Variants in PEDS1 observed in about 807,000 individuals in gnomAD.
PEDS1 encodes the protein plasmanylethanolamine desaturase 1, also known as CarF homolog.
Under a neutral mutation model 35.2 loss-of-function variants are expected in PEDS1, and 14 were observed. The observed-to-expected ratio is 0.40, with a 90% CI of 0.26 to 0.62. The LOEUF is 0.62. Ranked by LOEUF, PEDS1 falls within the 20% of genes least tolerant of loss-of-function variation. The probability of loss-of-function intolerance (pLI) is 0.44; values close to 1 mark genes in which losing one functional copy is unlikely to be tolerated. For synonymous variants in PEDS1, 152 were observed against 152.0 expected (o/e 1.00, Z 0.00); for missense variants, 260 against 367.8 (o/e 0.71, Z 2.40).
rs1302239770 is a variant in PEDS1 at position 50,118,957 on chromosome 20, A to G, written c.*6101T>C. The stretch of plus-strand genomic sequence containing the variant: ...TGAAATCAGGATGCATCTTAGAATC[A>G]GTGACATCTTAGAATCAATGAAATA... On this transcript the variant is annotated 3_prime_UTR_variant, in exon 6 of 6. Coordinates refer to ENST00000371652, the MANE Select transcript of PEDS1 (RefSeq NM_199129.4). 1.3e-5 allele frequency: 2 copies of G among 152,194 alleles called. No individual in the cohort carries two copies. 9.4% of individuals were successfully genotyped at this position (152,194 alleles called of 1,614,324 possible). A position where few individuals can be genotyped will look rare whatever the true frequency, so the allele number is the denominator to read the frequency against.
In PEDS1 at chr20:50,119,421, G is replaced by A. The variant is rs2081033096; in HGVS notation, c.*5637C>T. 2 of 126,024 alleles carry A rather than the reference G, an allele frequency of 1.6e-5. No individual in the cohort carries two copies. The highest frequency in any genetic ancestry group is 1.6e-5 in the Non-Finnish European group (1 of 63,028). The allele number at this position is 126,024 out of a possible 1,614,324, so 7.8% of individuals were successfully genotyped here. On this transcript the variant is annotated 3_prime_UTR_variant, in exon 6 of 6. Transcript: ENST00000371652. ...ACTGCACTCTAGCCCAGGTAATAGA[G>A]CAAGACTTTGTCTCAAAAAAAAAAA... is the stretch of plus-strand genomic sequence containing the variant.
chr20:50,124,949 A>C lies in PEDS1; in HGVS notation c.*109T>G. 5 of 1,493,758 alleles carry C rather than the reference A, an allele frequency of 3.3e-6. No individual in the cohort carries two copies. The highest frequency in any genetic ancestry group is 4.6e-6 in the Non-Finnish European group (5 of 1,094,334). The allele number at this position is 1,493,758 out of a possible 1,614,324, so 92.5% of individuals were successfully genotyped here. A position where few individuals can be genotyped will look rare whatever the true frequency, so the allele number is the denominator to read the frequency against. ...CTGGGGTACCTGGGCCCAGCCCAGG[A>C]GATGTCCTCTCCATCTGGAGGGGCC... On this transcript the variant is annotated 3_prime_UTR_variant, in exon 6 of 6. Transcript: ENST00000371652.
intron 1 of PEDS1, among the ~76,000 whole-genome samples, chr20:50,148,310 G>T (rs1465835380): frequency 1.3e-5 from 2 of 152,202 alleles, no homozygotes; most frequent in Non-Finnish European, 2.9e-5. Flanking sequence ...CAGCCTGGCA[G>T]GGCCTGTGGG....
At chr20:50,127,828 G>A (rs2081126382) in intron 5 of PEDS1, 147 bp downstream of exon 5, 1 of 1,134,668 alleles carries the variant, frequency 8.8e-7, no homozygotes, top group South Asian at 1.5e-5. Context: ...GCACACAGTA[G>A]GTGCTCAATA....
chr20:50,140,012 A>G (rs1030397256), intron 2 of PEDS1, among the ~76,000 whole-genome samples: 1 of 152,062 alleles, frequency 6.6e-6, no homozygotes, highest in Admixed American at 6.6e-5. Context: ...TCCTTAGCTC[A>G]ACAGCGGCCA....
chr20:50,140,187 C>A (rs1049701838), intron 2 of PEDS1, among the ~76,000 whole-genome samples: 1 of 152,240 alleles, frequency 6.6e-6, no homozygotes. Context: ...TCACCTTTCA[C>A]AGCTCCTCCA....
chr20:50,130,833 C>T (rs1370017496), intron 3 of PEDS1, 23 bp downstream of exon 3: 4 of 1,613,544 alleles, frequency 2.5e-6, no homozygotes, highest in Non-Finnish European at 3.4e-6. Flanking sequence ...TTCTTGAGGA[C>T]ATGGTTAGGT....
chr20:50,142,707 C>T (rs944066966), intron 2 of PEDS1, among the ~76,000 whole-genome samples: 2 of 140,744 alleles, frequency 1.4e-5, no homozygotes, highest in Non-Finnish European at 3.1e-5. Flanking sequence ...CCCCAACGGC[C>T]TCCCACAGTG....
chr20:50,145,711 G>A (rs2081338532), intron 1 of PEDS1, among the ~76,000 whole-genome samples: 1 of 152,068 alleles, frequency 6.6e-6, no homozygotes, highest in African/African-American at 2.4e-5. Context: ...AAAAATTAAA[G>A]GAAATAAAAA....
chr20:50,147,134 T>A (rs1004828630), intron 1 of PEDS1, among the ~76,000 whole-genome samples: 1 of 152,182 alleles, frequency 6.6e-6, no homozygotes, highest in African/African-American at 2.4e-5. Context: ...ACCCTAACAA[T>A]GGCTGACACA....
At chr20:50,138,044 C>T (rs563299198) in intron 2 of PEDS1, among the ~76,000 whole-genome samples, 2 of 152,328 alleles carry the variant, frequency 1.3e-5, no homozygotes, top group Non-Finnish European at 1.5e-5. Flanking sequence ...CACTGGCACA[C>T]ACTGTAACAA....
Position 50,118,694 on chromosome 20 carries a change from A to T in PEDS1, c.*6364T>A, listed in dbSNP as rs1045320198. 6.6e-6 allele frequency: 1 copy of T among 151,330 alleles called. No homozygotes were observed. The highest frequency in any genetic ancestry group is 2.4e-5 in the African/African-American group (1 of 41,126). 9.4% of individuals were successfully genotyped at this position (151,330 alleles called of 1,614,324 possible). On this transcript the variant is annotated 3_prime_UTR_variant, in exon 6 of 6. Coordinates refer to ENST00000371652, the MANE Select transcript of PEDS1 (RefSeq NM_199129.4). ...GAGTTCAGTGGCGCGATCTCAGTTC[A>T]CTGCAACCTCCGCCTCCTGGGTTCA...
chr20:50,153,374 G>A, intron 1 of PEDS1, 143 bp downstream of exon 1: 1 of 1,202,524 alleles, frequency 8.3e-7, no homozygotes, highest in South Asian at 3.7e-5. Context: ...CACTGGGGTG[G>A]GGTCCCCGAA....
chr20:50,142,962 G>C (rs1038947266), intron 2 of PEDS1, among the ~76,000 whole-genome samples: 3 of 152,112 alleles, frequency 2.0e-5, no homozygotes, highest in Non-Finnish European at 4.4e-5. Context: ...CTAGCATGAG[G>C]GTGGCTAGAG....
At position 50,153,498 on chromosome 20, in the gene PEDS1, G is replaced by C. The variant is rs567071722; in HGVS notation, c.121+19C>G. 7 of 1,351,490 alleles carry C rather than the reference G, an allele frequency of 5.2e-6. No homozygotes were observed. Among genetic ancestry groups the C allele is most frequent in the Non-Finnish European group, 5.8e-6 (6 of 1,042,646 alleles). 83.7% of individuals were successfully genotyped at this position (1,351,490 alleles called of 1,614,324 possible). A position where few individuals can be genotyped will look rare whatever the true frequency, so the allele number is the denominator to read the frequency against. On this transcript the variant is annotated intron_variant, in intron 1 of 5. Transcript: ENST00000371652. ...GGGGCTGGTGACCGCAGGCCTGGAGGGGGGCCCAGAGGTCTTACCTGGCGA... is the reference window on the plus strand; with the variant it reads ...GGGGCTGGTGACCGCAGGCCTGGAGCGGGGCCCAGAGGTCTTACCTGGCGA...
chr20:50,131,034 A>C, intron 2 of PEDS1, 87 bp from the exon 3 acceptor site: 3 of 1,604,984 alleles, frequency 1.9e-6, no homozygotes, highest in Non-Finnish European at 2.6e-6. Flanking sequence ...CCGCTCATTC[A>C]TTTGTTAGGA....
chr20:50,125,876 C>A (rs939163281), intron 5 of PEDS1, among the ~76,000 whole-genome samples: 1 of 152,204 alleles, frequency 6.6e-6, no homozygotes, highest in Non-Finnish European at 1.5e-5. Flanking sequence ...CAGGCATGAA[C>A]CACTGAGCCT....
At chr20:50,125,281 T>C (rs1439026718) in intron 5 of PEDS1, 102 bp from the exon 6 acceptor site, 12 of 1,477,712 alleles carry the variant, frequency 8.1e-6, no homozygotes, top group Non-Finnish European at 1.0e-5. Flanking sequence ...CAATGAGGAG[T>C]GAGTCAGTAC....
rs3092037 is a variant in PEDS1, at chr20:50,120,100, TA to T, written c.*4957del. On this transcript the variant is annotated 3_prime_UTR_variant, in exon 6 of 6. Coordinates refer to ENST00000371652, the MANE Select transcript of PEDS1 (RefSeq NM_199129.4). The stretch of plus-strand genomic sequence containing the variant: ...GGGCAACATAGCGAGACCCCATCTC[TA>T]AAAAAAAAAAAAAATTAGCTGGATG... 129,264 of 145,252 alleles carry T rather than the reference TA, an allele frequency of 0.89. 57,546 individuals are homozygous for T. The highest frequency in any genetic ancestry group is 0.98 in the East Asian group (4,903 of 4,980). 9.0% of individuals were successfully genotyped at this position (145,252 alleles called of 1,614,324 possible).
Sources: allele counts gnomAD v4.1 joint callset (sites outside exome capture counted in the v4.1 genomes callset), GRCh38; gene constraint gnomAD v4.1.1; transcripts MANE v1.5; gene names NCBI Gene and HGNC (gene_info 2026-07-23, HGNC 2026-07-21).